The following MTUS2 variants were observed in gnomAD, a reference collection of about 807,000 sequenced individuals.
MTUS2 encodes microtubule-associated tumor suppressor candidate 2.
In MTUS2, 40 loss-of-function variants were observed where a neutral mutation model predicts 114.1. The ratio of observed to expected loss-of-function variants is 0.35; its 90% CI spans 0.27 to 0.46. The LOEUF is 0.46. Ranked by LOEUF, MTUS2 falls within the 20% of genes least tolerant of loss-of-function variation. MTUS2 has a pLI of 1.00. For missense variants in MTUS2, 1,679 were observed against 1,705.4 expected (o/e 0.98, Z 0.27); for synonymous variants, 688 against 672.0 (o/e 1.02, Z -0.37).
chr13:29,078,931 T>C (rs1482700189), intron 4 of MTUS2, among the ~76,000 whole-genome samples: 1 of 152,236 alleles, frequency 6.6e-6, no homozygotes, highest in Non-Finnish European at 1.5e-5. Context: ...CATTGGAATA[T>C]ACCTAGAAGG....
intron 2 of MTUS2, among the ~76,000 whole-genome samples, chr13:28,859,378 A>G (rs1876832350): frequency 6.6e-6 from 1 of 152,176 alleles, no homozygotes; most frequent in South Asian, 2.1e-4. Flanking sequence ...AACTTTGGGG[A>G]CTAACTCATG....
intron 2 of MTUS2, among the ~76,000 whole-genome samples, chr13:28,951,078 A>G (rs1882785474): frequency 6.6e-6 from 1 of 152,234 alleles, no homozygotes; most frequent in African/African-American, 2.4e-5. Context: ...AAATTGTTAG[A>G]ACTAATAAAT....
At chr13:29,221,414 A>G (rs542677358) in intron 5 of MTUS2, among the ~76,000 whole-genome samples, 15 of 152,248 alleles carry the variant, frequency 9.9e-5, no homozygotes, top group Non-Finnish European at 2.1e-4. Context: ...TTTTTGTGCC[A>G]ACTAAGCAGT....
chr13:29,047,195 A>G (rs1887663808), intron 4 of MTUS2, among the ~76,000 whole-genome samples: 1 of 152,228 alleles, frequency 6.6e-6, no homozygotes, highest in Admixed American at 6.5e-5. Context: ...GTAACCTTGC[A>G]GAAATTATAC....
intron 2 of MTUS2, among the ~76,000 whole-genome samples, chr13:28,919,493 T>G (rs1422496297): frequency 6.6e-6 from 1 of 152,124 alleles, no homozygotes; most frequent in Non-Finnish European, 1.5e-5. Flanking sequence ...GCTTTTAGGA[T>G]TTTTTTCTTT....
At chr13:29,244,152 A>C (rs1218468412) in intron 5 of MTUS2, among the ~76,000 whole-genome samples, 1 of 152,044 alleles carries the variant, frequency 6.6e-6, no homozygotes, top group East Asian at 1.9e-4. Flanking sequence ...AAAACTTTGG[A>C]ATACATTCTG....
At chr13:29,222,682 C>T (rs564237376) in intron 5 of MTUS2, among the ~76,000 whole-genome samples, 3 of 152,286 alleles carry the variant, frequency 2.0e-5, no homozygotes, top group South Asian at 2.1e-4. Flanking sequence ...GTGGGAGCCC[C>T]GCCCTCCTGG....
chr13:29,378,094 G>A (rs1871890281), intron 8 of MTUS2, among the ~76,000 whole-genome samples: 1 of 152,168 alleles, frequency 6.6e-6, no homozygotes, highest in Non-Finnish European at 1.5e-5. Context: ...GAACAGATTA[G>A]TAGTTGCTGG....
chr13:28,972,993 T>C (rs563957186), intron 2 of MTUS2, among the ~76,000 whole-genome samples: 11 of 152,294 alleles, frequency 7.2e-5, no homozygotes, highest in African/African-American at 2.6e-4. Context: ...CCTCTTATTA[T>C]ATATGTATAT....
chr13:28,899,441 ACT>A (rs1348869513), intron 2 of MTUS2, among the ~76,000 whole-genome samples: 2 of 152,074 alleles, frequency 1.3e-5, no homozygotes, highest in African/African-American at 4.8e-5. Flanking sequence ...ACATAGTCTC[ACT>A]CTGTCGCCCA....
chr13:28,933,541 A>C (rs1004950472), intron 2 of MTUS2, among the ~76,000 whole-genome samples: 1 of 152,198 alleles, frequency 6.6e-6, no homozygotes, highest in Non-Finnish European at 1.5e-5. Context: ...TGGGCGCTAT[A>C]ACCTAATCAA....
intron 5 of MTUS2, among the ~76,000 whole-genome samples, chr13:29,168,106 A>G (rs1204320056): frequency 2.0e-5 from 3 of 152,206 alleles, no homozygotes; most frequent in African/African-American, 7.2e-5. Flanking sequence ...AAAATAACTT[A>G]CTAAATCTCA....
In MTUS2 at chr13:29,324,606, T is replaced by A; in HGVS notation, c.2807-7T>A. On this transcript the variant is annotated splice_region_variant and splice_polypyrimidine_tract_variant and intron_variant, in intron 6 of 15. Transcript: ENST00000612955. Reference sequence around the variant, plus strand: ...TCTACCTATTTCTCTTTTCCAACTATACACAGGAACAAAGAAAGATGCTCA... The same window carrying A: ...TCTACCTATTTCTCTTTTCCAACTAAACACAGGAACAAAGAAAGATGCTCA... 1 of 1,564,890 alleles carries A rather than the reference T, an allele frequency of 6.4e-7. No individual in the cohort carries two copies. Among genetic ancestry groups the A allele is most frequent in the Non-Finnish European group, 8.7e-7 (1 of 1,150,790 alleles).
In MTUS2 at chr13:29,024,959, C is replaced by T. The variant is rs375320159; in HGVS notation, c.261C>T (p.Gly87=). Residue 87 remains glycine (G), a synonymous_variant, in exon 3 of 16, where the codon GGC becomes GGT. Transcript: ENST00000612955. ...EFHQLQGFGK[G]SQAGSASLKD... Reference sequence around the variant, plus strand: ...ACCAACTTCAGGGCTTTGGGAAAGGCTCTCAGGCTGGCTCTGCCAGCCTGA... The same window carrying T: ...ACCAACTTCAGGGCTTTGGGAAAGGTTCTCAGGCTGGCTCTGCCAGCCTGA... 1.7e-5 allele frequency: 27 copies of T among 1,613,584 alleles called. No individual in the cohort carries two copies. In the African/African-American group the frequency reaches 2.1e-4, roughly 13 times the overall value.
In MTUS2 at chr13:29,446,214, C is replaced by T. The variant is rs563671520; in HGVS notation, c.3184+6165C>T. ...AGGACCAAATATATTTTATACCACA[C>T]CCAGACCAGGTCCTACAGTCATGGA... On this transcript the variant is annotated intron_variant, in intron 9 of 15. Coordinates refer to ENST00000612955, the MANE Select transcript of MTUS2 (RefSeq NM_001033602.4). Among the ~76,000 whole-genome samples the T allele has an allele frequency of 3.3e-4, 51 of 152,310 alleles. No homozygotes were observed. In the South Asian group the frequency reaches 0.011, roughly 32 times the overall value.
At chr13:29,303,794 T>A (rs1214982419) in intron 6 of MTUS2, among the ~76,000 whole-genome samples, 1 of 152,060 alleles carries the variant, frequency 6.6e-6, no homozygotes, top group Admixed American at 6.6e-5. Flanking sequence ...AGAATCCCAG[T>A]AAGATACTCC....
At chr13:29,373,277 T>A (rs147747367) in intron 8 of MTUS2, among the ~76,000 whole-genome samples, 106 of 152,316 alleles carry the variant, frequency 7.0e-4, no homozygotes, top group African/African-American at 2.3e-3. Context: ...AAGGAAACTT[T>A]CCCATTTGCT....
chr13:29,492,578 C>A, intron 11 of MTUS2, 68 bp from the exon 12 acceptor site: 1 of 1,337,484 alleles, frequency 7.5e-7, no homozygotes, highest in Non-Finnish European at 1.1e-6. Flanking sequence ...CTTAAGTCTG[C>A]CAAAAGAGCC....
At chr13:29,389,645 G>GTATATACGTATATATGTATATGTA (rs1873097597) in intron 8 of MTUS2, among the ~76,000 whole-genome samples, 3 of 141,796 alleles carry the variant, frequency 2.1e-5, no homozygotes, top group Admixed American at 7.0e-5. Context: ...ATATGTGTAT[G>GTATATACGTATATATGTATATGTA]TATATACGTA....
Sources: allele counts gnomAD v4.1 joint callset (sites outside exome capture counted in the v4.1 genomes callset), GRCh38; gene constraint gnomAD v4.1.1; transcripts MANE v1.5; gene names NCBI Gene and HGNC (gene_info 2026-07-23, HGNC 2026-07-21).